COMMD1: variants seen among roughly 807,000 people sequenced by gnomAD.
COMMD1 encodes copper metabolism domain containing 1.
Under a neutral mutation model 17.2 loss-of-function variants are expected in COMMD1, and 10 were observed. The observed-to-expected ratio is 0.58, with a 90% CI of 0.36 to 0.99. The LOEUF (loss-of-function observed/expected upper bound fraction) is 0.99, where lower values mean the gene tolerates loss of function less well. COMMD1 is among the 50% of genes least tolerant of loss of function. COMMD1 has a pLI of 0.01. For synonymous variants in COMMD1, 97 were observed against 91.6 expected, an observed-to-expected ratio of 1.06 and a Z score of -0.34; for missense variants, 270 against 231.8, an observed-to-expected ratio of 1.17 and a Z score of -1.07.
intron 2 of COMMD1, among the ~76,000 whole-genome samples, chr2:62,017,948 A>G (rs1382725397): frequency 6.6e-6 from 1 of 151,080 alleles, no homozygotes; most frequent in Non-Finnish European, 1.5e-5. Context: ...GGAGGCTGAG[A>G]TAGGAGGATC....
chr2:62,035,145 G>T (rs1254213512), intron 2 of COMMD1, among the ~76,000 whole-genome samples: 1 of 152,238 alleles, frequency 6.6e-6, no homozygotes, highest in Non-Finnish European at 1.5e-5. Flanking sequence ...GCCTTGGATA[G>T]AGTGGAGTAG....
chr2:62,098,935 G>A (rs577623158), intron 2 of COMMD1, among the ~76,000 whole-genome samples: 1 of 152,248 alleles, frequency 6.6e-6, no homozygotes, highest in African/African-American at 2.4e-5. Context: ...AAACTTAAAG[G>A]GATCTTCAGT....
At position 61,979,933 on chromosome 2, in the gene COMMD1, A is replaced by G. The variant is rs551153371; in HGVS notation, c.181-20768A>G. On this transcript the variant is annotated intron_variant, in intron 1 of 2. Coordinates refer to ENST00000311832, the MANE Select transcript of COMMD1 (RefSeq NM_152516.4). Reference sequence around the variant, plus strand: ...CCCACCACAGTCCCCAGAGTGTGATATTCCCCTTCCTGTGTCCATGTGATC... The same window carrying G: ...CCCACCACAGTCCCCAGAGTGTGATGTTCCCCTTCCTGTGTCCATGTGATC... 3.1e-3 allele frequency among the ~76,000 whole-genome samples: 339 copies of G among 108,970 alleles called. 1 individual carries two copies. Among genetic ancestry groups the G allele is most frequent in the Non-Finnish European group, 5.3e-3 (282 of 53,652 alleles). 71.5% of individuals were successfully genotyped at this position (108,970 alleles called of 152,430 possible). A position where few individuals can be genotyped will look rare whatever the true frequency, so the allele number is the denominator to read the frequency against.
chr2:62,024,357 C>G (rs150443193), intron 2 of COMMD1, among the ~76,000 whole-genome samples: 2,513 of 152,256 alleles, frequency 0.017, 68 homozygotes, highest in African/African-American at 0.058. Context: ...GCTGGGACTA[C>G]AGGCGCGCAC....
intron 2 of COMMD1, among the ~76,000 whole-genome samples, chr2:62,015,156 C>T (rs1669401423): frequency 6.6e-6 from 1 of 152,210 alleles, no homozygotes; most frequent in African/African-American, 2.4e-5. Flanking sequence ...AACAGAAATT[C>T]AGTACACATT....
In COMMD1 at chr2:61,992,775, C is replaced by G. The variant is rs115686758; in HGVS notation, c.181-7926C>G. On this transcript the variant is annotated intron_variant, in intron 1 of 2. Transcript: ENST00000311832. Reference sequence around the variant, plus strand: ...GGCAATACTACCTGGTTGAGAACCACTGTTTTGGTTTATCAGTTTTCAAAT... The same window carrying G: ...GGCAATACTACCTGGTTGAGAACCAGTGTTTTGGTTTATCAGTTTTCAAAT... Among the ~76,000 whole-genome samples, 1,509 of 152,286 alleles carry G rather than the reference C, an allele frequency of 9.9e-3. 10 individuals carry two copies. Among genetic ancestry groups the G allele is most frequent in the South Asian group, 0.019 (93 of 4,822 alleles).
chr2:62,068,678 G>A (rs1342254980), intron 2 of COMMD1, among the ~76,000 whole-genome samples: 2 of 144,782 alleles, frequency 1.4e-5, no homozygotes, highest in African/African-American at 2.6e-5. Flanking sequence ...AAGCTGGAGT[G>A]CAGTGGCGCG....
In COMMD1 at chr2:61,967,899, G is replaced by C. The variant is rs187323150; in HGVS notation, c.181-32802G>C. Among the ~76,000 whole-genome samples, 15 of 152,328 alleles carry C rather than the reference G, an allele frequency of 9.8e-5. No homozygotes were observed. The East Asian group carries it at 2.7e-3, about 27-fold the overall frequency. On this transcript the variant is annotated intron_variant, in intron 1 of 2. Transcript: ENST00000311832. ...AAATAGGCTGGGTGTGGTGGCTCAT[G>C]CCTATAATCCCAGCACTTTGGAAGG... is the stretch of plus-strand genomic sequence containing the variant.
At chr2:61,974,716 T>G (rs887933326) in intron 1 of COMMD1, among the ~76,000 whole-genome samples, 1 of 151,972 alleles carries the variant, frequency 6.6e-6, no homozygotes, top group African/African-American at 2.4e-5. Context: ...GGATATTTTT[T>G]AGAGCAATTT....
chr2:62,058,694 G>A (rs550604651), intron 2 of COMMD1, among the ~76,000 whole-genome samples: 6 of 152,042 alleles, frequency 3.9e-5, no homozygotes, highest in South Asian at 4.2e-4. Flanking sequence ...AGCCATTATC[G>A]TGCTACTACA....
At chr2:62,013,609 T>TA (rs1669350825) in intron 2 of COMMD1, among the ~76,000 whole-genome samples, 1 of 152,104 alleles carries the variant, frequency 6.6e-6, no homozygotes, top group Admixed American at 6.5e-5. Flanking sequence ...GGCATGGAAA[T>TA]AGAGGTAATT....
At position 62,078,794 on chromosome 2, in the gene COMMD1, G is replaced by C. The variant is rs563724526; in HGVS notation, c.463-57037G>C. On this transcript the variant is annotated intron_variant, in intron 2 of 2. Coordinates refer to ENST00000311832, the MANE Select transcript of COMMD1 (RefSeq NM_152516.4). ...CGGTAGGCTGAGGCAGGAGAATGGC[G>C]TGAACCCGGGAGGCGGAGGTTGCAG... Among the ~76,000 whole-genome samples the C allele has an allele frequency of 1.6e-3, 235 of 151,456 alleles. 2 individuals are homozygous for C. The highest frequency in any genetic ancestry group is 4.5e-3 in the African/African-American group (185 of 41,262).
At chr2:62,076,745 T>C (rs1021316317) in intron 2 of COMMD1, among the ~76,000 whole-genome samples, 2 of 151,816 alleles carry the variant, frequency 1.3e-5, no homozygotes, top group Non-Finnish European at 2.9e-5. Context: ...AGACTCCATC[T>C]CAAAAATAAA....
chr2:61,898,337 G>A (rs991405741), intron 1 of COMMD1, among the ~76,000 whole-genome samples: 35 of 152,230 alleles, frequency 2.3e-4, no homozygotes, highest in African/African-American at 7.9e-4. Context: ...TCAGCTAGAC[G>A]GGCTGGCACA....
intron 2 of COMMD1, chr2:62,055,496 G>A (rs1277430380): frequency 5.7e-5 from 26 of 455,642 alleles, no homozygotes; most frequent in Non-Finnish European, 1.1e-4. Flanking sequence ...TGTGGCGACC[G>A]GCTATCCATT....
intron 2 of COMMD1, among the ~76,000 whole-genome samples, chr2:62,043,892 C>A (rs1670303807): frequency 6.6e-6 from 1 of 152,022 alleles, no homozygotes; most frequent in Non-Finnish European, 1.5e-5. Flanking sequence ...TCTGTTTTTT[C>A]CTGATGCTAT....
intron 1 of COMMD1, among the ~76,000 whole-genome samples, chr2:61,945,879 G>C (rs1670892412): frequency 6.6e-6 from 1 of 152,200 alleles, no homozygotes; most frequent in Non-Finnish European, 1.5e-5. Context: ...GGAGACCAAG[G>C]TTTTATGCTG....
At chr2:62,033,452 A>G (rs537797567) in intron 2 of COMMD1, among the ~76,000 whole-genome samples, 1 of 152,192 alleles carries the variant, frequency 6.6e-6, no homozygotes, top group African/African-American at 2.4e-5. Flanking sequence ...TATCTTTTTT[A>G]AAAGTTACTT....
At chr2:61,953,517 C>T (rs749205497) in intron 1 of COMMD1, among the ~76,000 whole-genome samples, 8 of 151,858 alleles carry the variant, frequency 5.3e-5, no homozygotes, top group East Asian at 1.9e-4. Context: ...TACAGATGCA[C>T]GCCACCATGC....
Sources: allele counts gnomAD v4.1 joint callset (sites outside exome capture counted in the v4.1 genomes callset), GRCh38; gene constraint gnomAD v4.1.1; transcripts MANE v1.5; gene names NCBI Gene and HGNC (gene_info 2026-07-23, HGNC 2026-07-21).